Variants in WT1 observed in about 807,000 individuals in gnomAD.
The protein encoded by WT1 is WT1 transcription factor, also known as Wilms tumor protein.
In WT1, 8 loss-of-function variants were observed where a neutral mutation model predicts 60.8. The observed-to-expected ratio is 0.13, with a 90% CI of 0.08 to 0.24. The LOEUF (loss-of-function observed/expected upper bound fraction) is 0.24, where lower values mean the gene tolerates loss of function less well. Ranked by LOEUF, WT1 falls within the 10% of genes least tolerant of loss-of-function variation. WT1 has a pLI of 1.00. For missense variants in WT1, 568 were observed against 711.8 expected (o/e 0.80, Z 2.30); for synonymous variants, 312 against 297.1 (o/e 1.05, Z -0.52).
At chr11:32,395,140 A>G (rs532638620) in intron 7 of WT1, among the ~76,000 whole-genome samples, 1 of 152,316 alleles carries the variant, frequency 6.6e-6, no homozygotes, top group East Asian at 1.9e-4. Context: ...AGGAAATCTG[A>G]ATGCAGCTCA....
At chr11:32,433,100 T>C (rs921284775) in intron 1 of WT1, among the ~76,000 whole-genome samples, 1 of 152,122 alleles carries the variant, frequency 6.6e-6, no homozygotes. Flanking sequence ...ATCTCAGCTG[T>C]CCTCTTATAG....
At chr11:32,430,603 A>G in intron 1 of WT1, 1 of 1,586,332 alleles carries the variant, frequency 6.3e-7, no homozygotes, top group East Asian at 2.3e-5. Flanking sequence ...CTGCTCCGCA[A>G]CTGTCCGTGC....
chr11:32,423,392 C>A (rs891637254), intron 3 of WT1, among the ~76,000 whole-genome samples: 4 of 152,360 alleles, frequency 2.6e-5, no homozygotes, highest in South Asian at 4.1e-4. Context: ...TGTGTTAGAA[C>A]TTCAGGAGAA....
At chr11:32,410,565 GT>G (rs1852465355) in intron 5 of WT1, among the ~76,000 whole-genome samples, 1 of 151,862 alleles carries the variant, frequency 6.6e-6, no homozygotes, top group African/African-American at 2.4e-5. Flanking sequence ...ACCTCAAAAT[GT>G]TTTTTTAAAC....
In WT1 at chr11:32,434,911, G is replaced by C. The variant is rs1213710686; in HGVS notation, c.450C>G (p.Ser150Arg). The C allele has an allele frequency of 6.2e-7, 1 of 1,609,618 alleles. No homozygotes were observed. The highest frequency in any genetic ancestry group is 1.1e-5 in the South Asian group (1 of 90,754). The change falls in exon 1 of 10, where the codon AGC becomes AGG. Residue 150 changes from serine to arginine, a missense_variant. Ser to Arg is a moderately radical substitution (Grantham distance 110). Around this residue, in one of 3 missense-constraint regions of WT1, gnomAD observed 523 missense variants for 565.1 expected, o/e 0.93. Transcript: ENST00000452863. ...CCTCGTGCGGCTCCGCGCCGCCCCAGCTCGGCTCCTGTTTGATGAAGGAGT... is the reference window on the plus strand; with the variant it reads ...CCTCGTGCGGCTCCGCGCCGCCCCACCTCGGCTCCTGTTTGATGAAGGAGT...
intron 5 of WT1, among the ~76,000 whole-genome samples, chr11:32,414,724 T>G (rs193226516): frequency 5.7e-4 from 87 of 152,134 alleles, no homozygotes; most frequent in African/African-American, 2.0e-3. Context: ...AATACAAAAA[T>G]TAACCAGGTA....
chr11:32,394,592 T>C (rs899057760), intron 7 of WT1, among the ~76,000 whole-genome samples: 1 of 152,218 alleles, frequency 6.6e-6, no homozygotes, highest in Admixed American at 6.5e-5. Context: ...ATACTCTTCA[T>C]AAATGTTTTG....
chr11:32,391,455 C>G (rs748621568), intron 9 of WT1, among the ~76,000 whole-genome samples: 1 of 152,212 alleles, frequency 6.6e-6, no homozygotes, highest in Non-Finnish European at 1.5e-5. Flanking sequence ...ATGCCCTATT[C>G]TCCTCTCTGT....
intron 8 of WT1, 26 bp from the exon 9 acceptor site, chr11:32,392,090 T>G (rs566653842): frequency 6.2e-7 from 1 of 1,610,388 alleles, no homozygotes; most frequent in Non-Finnish European, 8.5e-7. Flanking sequence ...AGGTCTAGCC[T>G]CGGCCCTAAC....
chr11:32,428,471 G>C (rs764075020), intron 2 of WT1, 26 bp downstream of exon 2: 1 of 1,613,792 alleles, frequency 6.2e-7, no homozygotes, highest in Admixed American at 1.7e-5. Flanking sequence ...AGGGGAGAAG[G>C]ACTCCACTTG....
At chr11:32,430,519 T>C (rs1853264613) in intron 1 of WT1, 1 of 1,598,242 alleles carries the variant, frequency 6.3e-7, no homozygotes, top group African/African-American at 1.4e-5. Context: ...AGAAGTTTTC[T>C]CTAGACGAAC....
chr11:32,410,918 G>C (rs1250723127), intron 5 of WT1, among the ~76,000 whole-genome samples: 1 of 152,164 alleles, frequency 6.6e-6, no homozygotes, highest in African/African-American at 2.4e-5. Flanking sequence ...TCTACCTAGA[G>C]GTTATGATCT....
chr11:32,419,951 C>T (rs1171132730), intron 3 of WT1, among the ~76,000 whole-genome samples: 1 of 152,196 alleles, frequency 6.6e-6, no homozygotes, highest in Non-Finnish European at 1.5e-5. Context: ...GCCTCAGCCT[C>T]CCAAAGTGCT....
chr11:32,401,472 G>A lies in WT1; in HGVS notation c.1017-1428C>T, dbSNP rs5030253. Among the ~76,000 whole-genome samples, 1,452 of 150,462 alleles carry A rather than the reference G, an allele frequency of 9.7e-3. 30 individuals carry two copies. The highest frequency in any genetic ancestry group is 0.034 in the African/African-American group (1,385 of 40,874). ...TCTAAATCGGTGAATCATACGGTCCGTGCAATCTATAAATCTGCTTTTAAA... is the reference window on the plus strand; with the variant it reads ...TCTAAATCGGTGAATCATACGGTCCATGCAATCTATAAATCTGCTTTTAAA... On this transcript the variant is annotated intron_variant, in intron 5 of 9. Coordinates refer to ENST00000452863, the MANE Select transcript of WT1 (RefSeq NM_024426.6).
At chr11:32,415,015 A>G (rs1158012173) in intron 5 of WT1, among the ~76,000 whole-genome samples, 1 of 152,180 alleles carries the variant, frequency 6.6e-6, no homozygotes, top group Non-Finnish European at 1.5e-5. Flanking sequence ...CTTCATCCTT[A>G]TAATACAGCT....
chr11:32,390,341 C>T (rs1459879798), intron 9 of WT1, among the ~76,000 whole-genome samples: 2 of 152,162 alleles, frequency 1.3e-5, no homozygotes, highest in Non-Finnish European at 2.9e-5. Flanking sequence ...TGGTATTAAA[C>T]AGTCTGCTGG....
rs975018629 is a variant in WT1 at position 32,428,452 on chromosome 11, C to G, written c.784+45G>C. The G allele has an allele frequency of 2.5e-6, 4 of 1,612,898 alleles. No homozygotes were observed. In the African/African-American group the frequency reaches 5.3e-5, roughly 22 times the overall value. On this transcript the variant is annotated intron_variant, in intron 2 of 9. Transcript: ENST00000452863. Reference sequence around the variant, plus strand: ...GAATTCCTGGGGGAGAGGAGGATAGCACGGAAGAAGGGGAGAAGGACTCCA... The same window carrying G: ...GAATTCCTGGGGGAGAGGAGGATAGGACGGAAGAAGGGGAGAAGGACTCCA...
intron 5 of WT1, among the ~76,000 whole-genome samples, chr11:32,401,839 C>T (rs150942340): frequency 6.6e-5 from 10 of 152,244 alleles, no homozygotes; most frequent in South Asian, 2.1e-4. Context: ...CAGGCCCAGC[C>T]GCATCAGCAT....
chr11:32,427,172 T>C (rs1239085706), intron 3 of WT1, among the ~76,000 whole-genome samples: 1 of 152,186 alleles, frequency 6.6e-6, no homozygotes, highest in East Asian at 1.9e-4. Context: ...TCCAGCCCCG[T>C]GCGGGCTGGT....
Sources: allele counts gnomAD v4.1 joint callset (sites outside exome capture counted in the v4.1 genomes callset), GRCh38; gene constraint gnomAD v4.1.1; regional missense constraint gnomAD v4.1.1; transcripts MANE v1.5; gene names NCBI Gene and HGNC (gene_info 2026-07-23, HGNC 2026-07-21).